Variants in NAA60 observed in about 807,000 individuals in gnomAD.
NAA60 encodes the protein N-alpha-acetyltransferase 60.
In NAA60, 8 loss-of-function variants were observed where a neutral mutation model predicts 26.1. The observed-to-expected ratio is 0.31, with a 90% CI of 0.18 to 0.55. NAA60 has a LOEUF of 0.55. Ranked by LOEUF, NAA60 falls within the 20% of genes least tolerant of loss-of-function variation. The pLI is 0.93. For synonymous variants in NAA60, 131 were observed against 122.5 expected (o/e 1.07, Z -0.46); for missense variants, 290 against 311.3 (o/e 0.93, Z 0.51).
upstream of NAA60, chr16:3,443,625 A>G: frequency 1.1e-6 from 1 of 916,150 alleles, no homozygotes; most frequent in Non-Finnish European, 1.5e-6. Context: ...GAGGACCTGT[A>G]GCCACTGGGC....
At chr16:3,466,664 A>G (rs1182362767) in intron 2 of NAA60, among the ~76,000 whole-genome samples, 1 of 152,208 alleles carries the variant, frequency 6.6e-6, no homozygotes, top group African/African-American at 2.4e-5. Flanking sequence ...GGATGAGCAC[A>G]TGCTAATCTC....
chr16:3,458,030 G>T, intron 2 of NAA60: 1 of 985,350 alleles, frequency 1.0e-6, no homozygotes, highest in Non-Finnish European at 1.2e-6. Flanking sequence ...GGAGGCGGAA[G>T]TGCCGCGGGC....
At chr16:3,461,427 A>G (rs2035386486) in intron 2 of NAA60, among the ~76,000 whole-genome samples, 1 of 152,178 alleles carries the variant, frequency 6.6e-6, no homozygotes, top group Non-Finnish European at 1.5e-5. Context: ...GATAGAGGGA[A>G]GCAAACAAGG....
At position 3,479,690 on chromosome 16, in the gene NAA60, A is replaced by G. The variant is rs1195849444; in HGVS notation, c.240+90A>G. The G allele has an allele frequency of 1.4e-5, 21 of 1,479,112 alleles. No homozygotes were observed. In the East Asian group the frequency reaches 4.2e-4, roughly 29 times the overall value. The allele number at this position is 1,479,112 out of a possible 1,614,324, so 91.6% of individuals were successfully genotyped here. Reference sequence around the variant, plus strand: ...GATGGAATCATGCTGCCTGCTCCACAGCCGTCGTCCAAGGAGCCTGTGACC... The same window carrying G: ...GATGGAATCATGCTGCCTGCTCCACGGCCGTCGTCCAAGGAGCCTGTGACC... On this transcript the variant is annotated intron_variant, in intron 4 of 7. Coordinates refer to ENST00000407558, the MANE Select transcript of NAA60 (RefSeq NM_001083601.3).
chr16:3,445,929 T>C (rs1466556192), intron 1 of NAA60, among the ~76,000 whole-genome samples: 1 of 152,180 alleles, frequency 6.6e-6, no homozygotes, highest in Non-Finnish European at 1.5e-5. Context: ...AAGTCCAAGA[T>C]AGACCAAGAT....
chr16:3,468,426 G>C (rs142014124), intron 2 of NAA60, among the ~76,000 whole-genome samples: 72 of 152,300 alleles, frequency 4.7e-4, no homozygotes, highest in Middle Eastern at 3.4e-3. Context: ...GCCTCACAGT[G>C]ATGTTGATCA....
intron 2 of NAA60, among the ~76,000 whole-genome samples, chr16:3,458,873 G>C (rs2035186894): frequency 6.6e-6 from 1 of 152,158 alleles, no homozygotes; most frequent in South Asian, 2.1e-4. Flanking sequence ...AGCTTTTGTG[G>C]TTTGTCCTGC....
intron 6 of NAA60, among the ~76,000 whole-genome samples, chr16:3,484,059 C>G (rs919498303): frequency 3.3e-5 from 5 of 152,108 alleles, no homozygotes; most frequent in African/African-American, 1.2e-4. Flanking sequence ...GATGCATGAC[C>G]CAAAGGTATG....
chr16:3,462,104 A>AAAAAAAAAAAAAC (rs1414883728), intron 2 of NAA60, among the ~76,000 whole-genome samples: 1 of 151,768 alleles, frequency 6.6e-6, no homozygotes, highest in Non-Finnish European at 1.5e-5. Context: ...AAAAAAAAAA[A>AAAAAAAAAAAAAC]ACCTTTCAGT....
intron 2 of NAA60, among the ~76,000 whole-genome samples, chr16:3,470,697 G>A (rs576310823): frequency 6.6e-6 from 1 of 152,340 alleles, no homozygotes; most frequent in East Asian, 1.9e-4. Context: ...CCCTGCCTTT[G>A]GATCATCTCC....
chr16:3,463,384 CA>C (rs112948934), intron 2 of NAA60, among the ~76,000 whole-genome samples: 5 of 139,230 alleles, frequency 3.6e-5, no homozygotes, highest in Admixed American at 7.2e-5. Context: ...CCCGTCTCTA[CA>C]AAAAAAAAAC....
intron 2 of NAA60, among the ~76,000 whole-genome samples, chr16:3,452,743 C>T (rs1241870434): frequency 6.6e-6 from 1 of 151,026 alleles, no homozygotes; most frequent in Non-Finnish European, 1.5e-5. Flanking sequence ...CTCACTTGCA[C>T]CAGGAGTTCG....
intron 2 of NAA60, chr16:3,468,074 G>A (rs909659212): frequency 6.6e-6 from 1 of 152,204 alleles, no homozygotes; most frequent in Non-Finnish European, 1.5e-5. Flanking sequence ...GAGGAAAGCA[G>A]CCAACCAGAG....
chr16:3,450,858 G>A (rs1345947306), intron 2 of NAA60, among the ~76,000 whole-genome samples: 1 of 152,172 alleles, frequency 6.6e-6, no homozygotes, highest in Admixed American at 6.5e-5. Context: ...GCATGGTATA[G>A]AAGCCTTGGG....
chr16:3,461,351 C>T (rs1372861792), intron 2 of NAA60, among the ~76,000 whole-genome samples: 1 of 152,116 alleles, frequency 6.6e-6, no homozygotes, highest in African/African-American at 2.4e-5. Flanking sequence ...AGAGTGCCCC[C>T]CTGCGGAGGT....
intron 3 of NAA60, among the ~76,000 whole-genome samples, chr16:3,478,385 C>T (rs905567517): frequency 1.6e-4 from 24 of 152,210 alleles, no homozygotes; most frequent in African/African-American, 5.8e-4. Flanking sequence ...TGGGCCTTGG[C>T]CATGTGAGCC....
chr16:3,446,487 C>T (rs376060509), intron 1 of NAA60, among the ~76,000 whole-genome samples: 182 of 146,454 alleles, frequency 1.2e-3, no homozygotes, highest in African/African-American at 4.2e-3. Context: ...GCCGAGATCA[C>T]ACCACTGCAC....
At chr16:3,483,993 C>T (rs562495141) in intron 6 of NAA60, among the ~76,000 whole-genome samples, 22 of 152,254 alleles carry the variant, frequency 1.4e-4, no homozygotes, top group African/African-American at 5.1e-4. Context: ...GAAACAAGTG[C>T]GGAGAGAAGA....
At chr16:3,466,111 C>A (rs2035743578) in intron 2 of NAA60, among the ~76,000 whole-genome samples, 2 of 152,250 alleles carry the variant, frequency 1.3e-5, no homozygotes, top group Admixed American at 1.3e-4. Flanking sequence ...TAGCACATCG[C>A]CATCGCGCTT....
Sources: allele counts gnomAD v4.1 joint callset (sites outside exome capture counted in the v4.1 genomes callset), GRCh38; gene constraint gnomAD v4.1.1; transcripts MANE v1.5; gene names NCBI Gene and HGNC (gene_info 2026-07-23, HGNC 2026-07-21).